LOX: variants seen among roughly 807,000 people sequenced by gnomAD.
LOX encodes protein-lysine 6-oxidase.
Under a neutral mutation model 50.5 loss-of-function variants are expected in LOX, and 12 were observed. The observed-to-expected ratio is 0.24, with a 90% confidence interval of 0.15 to 0.38. The LOEUF (loss-of-function observed/expected upper bound fraction) is 0.38, where lower values mean the gene tolerates loss of function less well. Ranked by LOEUF, LOX falls within the 10% of genes least tolerant of loss-of-function variation. The pLI is 1.00. For synonymous variants in LOX, 254 were observed against 230.6 expected (o/e 1.10, Z -0.92); for missense variants, 504 against 563.8 (o/e 0.89, Z 1.07).
chr5:122,075,851 T>G (rs1263042064), intron 2 of LOX, among the ~76,000 whole-genome samples: 2 of 152,104 alleles, frequency 1.3e-5, no homozygotes, highest in African/African-American at 4.8e-5. Context: ...GAAGTAAACT[T>G]TAGAATCAAT....
intron 3 of LOX, among the ~76,000 whole-genome samples, chr5:122,075,038 T>C (rs1271640364): frequency 6.6e-6 from 1 of 152,234 alleles, no homozygotes; most frequent in East Asian, 1.9e-4. Flanking sequence ...GGTTTCTGAA[T>C]GCTTGTGATA....
chr5:122,069,842 G>C, intron 6 of LOX: 1 of 551,874 alleles, frequency 1.8e-6, no homozygotes, highest in Non-Finnish European at 3.4e-6. Flanking sequence ...TGAAAACTAA[G>C]CTTCTCCTGA....
Position 122,077,879 on chromosome 5 carries a change from G to T in LOX, c.107C>A (p.Pro36Gln). ...AGQQQPPREP[P>Q]AAPGAWRQQI... is the part of the protein sequence containing the mutation. ...CTGGCGCCAGGCGCCCGGAGCCGCC[G>T]GCGGCTCGCGCGGGGGCTGCTGTTG... The change falls in exon 1 of 7, where the codon CCG becomes CAG. Residue 36 changes from proline to glutamine, a missense_variant. Around this residue, in one of 2 missense-constraint regions of LOX, gnomAD observed 398 missense variants for 365.8 expected, o/e 1.09. Transcript: ENST00000231004. The surrounding 1 kb of genome is among the most constrained non-coding windows in gnomAD (Gnocchi z 4.9). 1 of 1,537,026 alleles carries T rather than the reference G, an allele frequency of 6.5e-7. No individual in the cohort carries two copies.
At chr5:122,072,589 T>C (rs1432642982) in intron 4 of LOX, among the ~76,000 whole-genome samples, 1 of 152,208 alleles carries the variant, frequency 6.6e-6, no homozygotes, top group Non-Finnish European at 1.5e-5. Context: ...TACAATAAAC[T>C]AATCTGAGTC....
rs375256331 is a variant in LOX at position 122,073,181 on chromosome 5, C to G, written c.1035+832G>C. On this transcript the variant is annotated intron_variant, in intron 4 of 6. Transcript: ENST00000231004. ...CCCTCAGTTATGTACATTCACTACCCCTTGCCAAGATCTGGGCGGGAGTCA... is the reference window on the plus strand; with the variant it reads ...CCCTCAGTTATGTACATTCACTACCGCTTGCCAAGATCTGGGCGGGAGTCA... 3.9e-4 allele frequency among the ~76,000 whole-genome samples: 59 copies of G among 152,284 alleles called. 1 individual carries two copies. In the East Asian group the frequency reaches 7.5e-3, roughly 19 times the overall value.
chr5:122,076,049 C>T (rs2152590551), intron 2 of LOX: 1 of 152,384 alleles, frequency 6.6e-6, no homozygotes, highest in South Asian at 2.1e-4. Context: ...TGTAACTTCA[C>T]TATCCCAAAA....
In LOX at chr5:122,078,067, A is replaced by G. The variant is rs1754696124; in HGVS notation, c.-82T>C. 1 of 1,314,668 alleles carries G rather than the reference A, an allele frequency of 7.6e-7. No homozygotes were observed. The highest frequency in any genetic ancestry group is 9.9e-7 in the Non-Finnish European group (1 of 1,007,918). The allele number at this position is 1,314,668 out of a possible 1,614,324, so 81.4% of individuals were successfully genotyped here. ...AACGGGGCTCAAATCACGTGAGGGA[A>G]GGAGAAATCTTCAACCAAGGAGGCG... On this transcript the variant is annotated 5_prime_UTR_variant, in exon 1 of 7. Coordinates refer to ENST00000231004, the MANE Select transcript of LOX (RefSeq NM_002317.7).
chr5:122,067,867 G>A (rs894790597), intron 6 of LOX, among the ~76,000 whole-genome samples: 3 of 151,902 alleles, frequency 2.0e-5, no homozygotes, highest in African/African-American at 7.3e-5. Flanking sequence ...CAATTCAAAT[G>A]TATCCTAAAG....
At chr5:122,068,174 TAAAAAAA>T (rs10650287) in intron 6 of LOX, among the ~76,000 whole-genome samples, 2 of 115,910 alleles carry the variant, frequency 1.7e-5, no homozygotes, top group Non-Finnish European at 3.4e-5. Flanking sequence ...TAATAACTAG[TAAAAAAA>T]AAAAAAAAAA....
intron 4 of LOX, among the ~76,000 whole-genome samples, chr5:122,073,327 A>G (rs1287321236): frequency 6.6e-6 from 1 of 152,236 alleles, no homozygotes; most frequent in Non-Finnish European, 1.5e-5. Flanking sequence ...ACTTTAAAAA[A>G]ATCCATCCAA....
Position 122,070,605 on chromosome 5 carries a change from T to TA in LOX, c.1036-17dup, listed in dbSNP as rs760958402. ...GACTCAATCCCTAAGATAAACAAAA[T>TA]AAAAAATTTAAAATTATGGTATGTG... is the stretch of plus-strand genomic sequence containing the variant. On this transcript the variant is annotated splice_polypyrimidine_tract_variant and intron_variant, in intron 4 of 6. Transcript: ENST00000231004. The TA allele has an allele frequency of 7.2e-7, 1 of 1,386,114 alleles. No homozygotes were observed. The highest frequency in any genetic ancestry group is 1.0e-6 in the Non-Finnish European group (1 of 986,042). 85.9% of individuals were successfully genotyped at this position (1,386,114 alleles called of 1,614,324 possible).
At chr5:122,070,820 AG>A in intron 4 of LOX, 4 of 321,784 alleles carry the variant, frequency 1.2e-5, no homozygotes, top group Non-Finnish European at 2.2e-5. Context: ...ACTTCTTAAA[AG>A]TGTCATATAT....
Position 122,077,425 on chromosome 5 carries a change from G to A in LOX, c.561C>T (p.Tyr187=), listed in dbSNP as rs747936462. The A allele has an allele frequency of 1.2e-6, 2 of 1,614,114 alleles. No homozygotes were observed. Among genetic ancestry groups the A allele is most frequent in the South Asian group, 1.1e-5 (1 of 91,084 alleles). Residue 187 remains tyrosine (Y), a synonymous_variant, in exon 1 of 7, where the codon TAC becomes TAT. Transcript: ENST00000231004. This position sits in a 1 kb window ranked among gnomAD's most constrained non-coding sequence, Gnocchi z 4.9. ...CAGGTCTGGGCCTTTCATAAGTATC[G>A]TAGTAGTTGTAATAAGGGTTGTCGT... ...YSDDNPYYNY[Y]DTYERPRPGG... is the part of the protein sequence containing the mutation.
rs200554252 is a variant in LOX, at chr5:122,077,664, C to T, written c.322G>A (p.Gly108Ser). 279 of 1,605,586 alleles carry T rather than the reference C, an allele frequency of 1.7e-4. 1 individual carries two copies. In the African/African-American group the frequency reaches 3.1e-3, roughly 18 times the overall value. The change falls in exon 1 of 7, where the codon GGC (glycine) becomes AGC (serine). Residue 108 changes from glycine (G) to serine (S), a missense_variant. Coordinates refer to ENST00000231004, the MANE Select transcript of LOX (RefSeq NM_002317.7). This position sits in a 1 kb window ranked among gnomAD's most constrained non-coding sequence, Gnocchi z 4.9. Reference sequence around the variant, plus strand: ...CGGCCAGCGGTGACTCCAGATGAGCCGGCCGTCCGCGTTCGCGCCGCGGCG... The same window carrying T: ...CGGCCAGCGGTGACTCCAGATGAGCTGGCCGTCCGCGTTCGCGCCGCGGCG... ...RTAAARTRTA[G>S]SSGVTAGRPR... is the part of the protein sequence containing the mutation.
At position 122,077,116 on chromosome 5, in the gene LOX, T is replaced by C; in HGVS notation, c.632-115A>G. ...CCCTTCGCCCACCGGGACTGCAGAGTGGAGCGGAGGACAGCAAGAGAACTG... is the reference window on the plus strand; with the variant it reads ...CCCTTCGCCCACCGGGACTGCAGAGCGGAGCGGAGGACAGCAAGAGAACTG... On this transcript the variant is annotated intron_variant, in intron 1 of 6. Transcript: ENST00000231004. The surrounding 1 kb of genome is among the most constrained non-coding windows in gnomAD (Gnocchi z 4.9). 7.4e-6 allele frequency: 11 copies of C among 1,496,270 alleles called. No individual in the cohort carries two copies. The highest frequency in any genetic ancestry group is 9.8e-6 in the Non-Finnish European group (11 of 1,127,722). The allele number at this position is 1,496,270 out of a possible 1,614,324, so 92.7% of individuals were successfully genotyped here.
intron 2 of LOX, chr5:122,076,064 G>A (rs914611574): frequency 6.6e-6 from 1 of 152,190 alleles, no homozygotes; most frequent in Admixed American, 6.5e-5. Flanking sequence ...CCAAAACAAT[G>A]GCAGTACTGT....
rs541317226 is a variant in LOX, at chr5:122,063,245, A to G, written c.*3498T>C. 2.0e-5 allele frequency: 3 copies of G among 152,004 alleles called. No individual in the cohort carries two copies. Among genetic ancestry groups the G allele is most frequent in the Non-Finnish European group, 4.4e-5 (3 of 67,912 alleles). 9.4% of individuals were successfully genotyped at this position (152,004 alleles called of 1,614,324 possible). ...CATTTTTATATAATCTTGCAATCAT[A>G]GTATAGATGTATAATAAAAGAATAT... On this transcript the variant is annotated 3_prime_UTR_variant, in exon 7 of 7. Transcript: ENST00000231004.
At chr5:122,072,886 A>G (rs1324359075) in intron 4 of LOX, among the ~76,000 whole-genome samples, 3 of 152,226 alleles carry the variant, frequency 2.0e-5, no homozygotes, top group East Asian at 1.9e-4. Flanking sequence ...AAATGGGGCA[A>G]ATAAACTCTA....
In LOX at chr5:122,076,857, A is replaced by G. The variant is rs1381816102; in HGVS notation, c.740+36T>C. On this transcript the variant is annotated intron_variant, in intron 2 of 6. Transcript: ENST00000231004. ...GCACCAGAGCGCCCCCTGAAGGTAGACCGGGGAGCGGGGCCTCAGACATAT... is the reference window on the plus strand; with the variant it reads ...GCACCAGAGCGCCCCCTGAAGGTAGGCCGGGGAGCGGGGCCTCAGACATAT... 3 of 1,587,892 alleles carry G rather than the reference A, an allele frequency of 1.9e-6. No individual in the cohort carries two copies. The African/African-American group carries it at 4.0e-5, about 21-fold the overall frequency.
Sources: allele counts gnomAD v4.1 joint callset (sites outside exome capture counted in the v4.1 genomes callset), GRCh38; gene constraint gnomAD v4.1.1; regional missense constraint gnomAD v4.1.1; non-coding constraint Gnocchi (gnomAD v3.1); transcripts MANE v1.5; gene names NCBI Gene and HGNC (gene_info 2026-07-23, HGNC 2026-07-21).